AK5: variants seen among roughly 807,000 people sequenced by gnomAD.
AK5 encodes adenylate kinase 5, also known as adenylate kinase isoenzyme 5.
A neutral mutation model predicts 69.5 loss-of-function variants in AK5; 27 were observed. The ratio of observed to expected loss-of-function variants is 0.39; its 90% CI spans 0.29 to 0.54. The LOEUF (loss-of-function observed/expected upper bound fraction) is 0.54. Among genes scored for constraint, AK5 ranks in the 20% least tolerant of loss-of-function variants. AK5 has a pLI of 0.71. For missense variants in AK5, 531 were observed against 700.4 expected, an observed-to-expected ratio of 0.76 and a Z score of 2.73; for synonymous variants, 260 against 244.4, an observed-to-expected ratio of 1.06 and a Z score of -0.60.
chr1:77,528,190 A>C (rs1032547264), intron 12 of AK5, among the ~76,000 whole-genome samples: 3 of 152,210 alleles, frequency 2.0e-5, no homozygotes, highest in African/African-American at 7.2e-5. Context: ...ACAAGCAAGA[A>C]ATTCATTTGA....
At chr1:77,384,026 C>G (rs1334645749) in intron 6 of AK5, among the ~76,000 whole-genome samples, 1 of 151,938 alleles carries the variant, frequency 6.6e-6, no homozygotes, top group Non-Finnish European at 1.5e-5. Context: ...ATGAATATGA[C>G]AGTTTCTTCA....
intron 8 of AK5, among the ~76,000 whole-genome samples, chr1:77,477,327 C>T (rs75224576): frequency 0.01 from 1,584 of 152,268 alleles, 35 homozygotes; most frequent in East Asian, 0.079. Context: ...CACATCTGGC[C>T]TGGTTGTTCT....
At chr1:77,463,296 C>A (rs899923321) in intron 8 of AK5, among the ~76,000 whole-genome samples, 8 of 152,164 alleles carry the variant, frequency 5.3e-5, no homozygotes, top group South Asian at 4.1e-4. Flanking sequence ...CAGCTTGGTT[C>A]ACATTGATTT....
chr1:77,355,642 G>A (rs572591316), intron 6 of AK5, among the ~76,000 whole-genome samples: 1 of 152,128 alleles, frequency 6.6e-6, no homozygotes, highest in African/African-American at 2.4e-5. Context: ...TCCATTCATG[G>A]CAATTATGTT....
intron 12 of AK5, chr1:77,531,983 C>G (rs1227187713): frequency 1.8e-5 from 2 of 109,966 alleles, no homozygotes; most frequent in Non-Finnish European, 4.6e-5. Flanking sequence ...TCACTGCCTG[C>G]GGCCATCCGG....
intron 7 of AK5, 89 bp downstream of exon 7, chr1:77,411,160 C>T (rs1007177809): frequency 2.8e-6 from 3 of 1,077,040 alleles, no homozygotes; most frequent in South Asian, 1.5e-5. Flanking sequence ...GTTCAACAAA[C>T]TGCTGCAAGT....
At position 77,457,881 on chromosome 1, in the gene AK5, CTTAGTGACTTAACACAAAT is replaced by C. The variant is rs762172644; in HGVS notation, c.1060-25432_1060-25414del. On this transcript the variant is annotated intron_variant, in intron 8 of 13. Coordinates refer to ENST00000354567, the MANE Select transcript of AK5 (RefSeq NM_174858.3). The stretch of plus-strand genomic sequence containing the variant: ...ATTTGCTATAACAAATTACCACAAA[CTTAGTGACTTAACACAAAT>C]TTATCATCTTATAGTTCTGGAGACT... Among the ~76,000 whole-genome samples, 83 of 152,210 alleles carry C rather than the reference CTTAGTGACTTAACACAAAT, an allele frequency of 5.5e-4. 1 individual carries two copies. The highest frequency in any genetic ancestry group is 1.2e-3 in the Admixed American group (18 of 15,278).
At chr1:77,472,730 T>A (rs115786138) in intron 8 of AK5, among the ~76,000 whole-genome samples, 2,088 of 104,206 alleles carry the variant, frequency 0.02, 60 homozygotes, top group African/African-American at 0.058. Flanking sequence ...TAAAAATGAA[T>A]TTTTTTAAAA....
chr1:77,399,939 A>G (rs1314492080), intron 6 of AK5, among the ~76,000 whole-genome samples: 1 of 152,148 alleles, frequency 6.6e-6, no homozygotes, highest in East Asian at 1.9e-4. Flanking sequence ...AGGAGTTGGG[A>G]AGTCATCTGC....
chr1:77,448,984 T>C (rs3112827), intron 8 of AK5, among the ~76,000 whole-genome samples: 39,030 of 152,122 alleles, frequency 0.26, 5,273 homozygotes, highest in South Asian at 0.39. Flanking sequence ...TGCCTGGATG[T>C]CCAGGGAGAA....
chr1:77,372,656 T>C (rs1256655237), intron 6 of AK5, among the ~76,000 whole-genome samples: 1 of 152,166 alleles, frequency 6.6e-6, no homozygotes, highest in Non-Finnish European at 1.5e-5. Context: ...GGACTCAAAA[T>C]TACTCATGCA....
chr1:77,331,233 C>T (rs1661071597), intron 5 of AK5, among the ~76,000 whole-genome samples: 1 of 151,886 alleles, frequency 6.6e-6, no homozygotes, highest in Non-Finnish European at 1.5e-5. Context: ...ATTGAACTGT[C>T]TAAAATCTCT....
chr1:77,529,275 T>C (rs985488387), intron 12 of AK5, among the ~76,000 whole-genome samples: 1 of 152,016 alleles, frequency 6.6e-6, no homozygotes, highest in Non-Finnish European at 1.5e-5. Context: ...GCTTTACACA[T>C]TTCATTTGAT....
At chr1:77,481,002 T>C (rs2245189) in intron 8 of AK5, among the ~76,000 whole-genome samples, 141,939 of 152,288 alleles carry the variant, frequency 0.93, 66,553 homozygotes, top group Non-Finnish European at 0.98. Context: ...CCTGAGACCA[T>C]GGTGAGCTCT....
At chr1:77,391,495 G>GTGTGTATATATA (rs1425180466) in intron 6 of AK5, among the ~76,000 whole-genome samples, 23 of 63,394 alleles carry the variant, frequency 3.6e-4, no homozygotes, top group Middle Eastern at 6.0e-3. Flanking sequence ...GTGTGTGTGT[G>GTGTGTATATATA]TATATATATA....
chr1:77,522,787 T>C (rs17100674), intron 12 of AK5, among the ~76,000 whole-genome samples: 26,269 of 152,174 alleles, frequency 0.17, 2,418 homozygotes, highest in South Asian at 0.26. Context: ...ACTGGCCTCA[T>C]TGTTAAACAA....
At chr1:77,514,643 G>A (rs2100299735) in intron 10 of AK5, among the ~76,000 whole-genome samples, 1 of 152,328 alleles carries the variant, frequency 6.6e-6, no homozygotes, top group South Asian at 2.1e-4. Context: ...AAAATTTGCA[G>A]CTGTTGCTCC....
At chr1:77,438,294 C>CAAAAAAAAA (rs56019139) in intron 8 of AK5, among the ~76,000 whole-genome samples, 1 of 52,778 alleles carries the variant, frequency 1.9e-5, no homozygotes, top group African/African-American at 5.8e-5. Flanking sequence ...ATATTTGGTA[C>CAAAAAAAAA]AAAAAAAAAA....
At chr1:77,470,325 C>A (rs934945393) in intron 8 of AK5, among the ~76,000 whole-genome samples, 8 of 152,178 alleles carry the variant, frequency 5.3e-5, no homozygotes, top group Middle Eastern at 3.4e-3. Flanking sequence ...GGCAACCTAG[C>A]AAAATCCTGT....
Sources: gnomAD v4.1 joint callset for allele counts (sites outside exome capture counted in the v4.1 genomes callset) on GRCh38, gnomAD v4.1.1 for gene constraint, MANE v1.5 for transcripts, NCBI Gene and HGNC (gene_info 2026-07-23, HGNC 2026-07-21) for gene names.